Variants in RNF180 observed in about 807,000 individuals in gnomAD.
The protein encoded by RNF180 is E3 ubiquitin-protein ligase RNF180.
Under a neutral mutation model 59.2 loss-of-function variants are expected in RNF180, and 38 were observed. The observed-to-expected ratio is 0.64, with a 90% CI of 0.50 to 0.84. The LOEUF is 0.84. RNF180 is among the 40% of genes least tolerant of loss of function. RNF180 has a pLI of 0.00. For missense variants in RNF180, 705 were observed against 700.9 expected (o/e 1.01, Z -0.07); for synonymous variants, 262 against 240.3 (o/e 1.09, Z -0.84).
chr5:64,349,494 A>G lies in RNF180; in HGVS notation c.1579+19088A>G, dbSNP rs186404453. Among the ~76,000 whole-genome samples the G allele has an allele frequency of 1.1e-3, 172 of 151,106 alleles. 1 individual carries two copies. Among genetic ancestry groups the G allele is most frequent in the Non-Finnish European group, 1.9e-3 (128 of 67,872 alleles). On this transcript the variant is annotated intron_variant, in intron 7 of 7. Transcript: ENST00000389100. ...TGTGCACAACGTGCAGGTTTGTTAC[A>G]TATGTATACATGTGCCATGTTGGTG...
rs1164645325 is a variant in RNF180 at position 64,371,514 on chromosome 5, C to T, written c.*1700C>T. ...AACTAAATAAGTATTATTATAGATA[C>T]AGATCTCTCATAGGAACAAAGTTGA... On this transcript the variant is annotated 3_prime_UTR_variant, in exon 8 of 8. Transcript: ENST00000389100. 1 of 151,448 alleles carries T rather than the reference C, an allele frequency of 6.6e-6. No individual in the cohort carries two copies. Among genetic ancestry groups the T allele is most frequent in the Non-Finnish European group, 1.5e-5 (1 of 67,676 alleles). 9.4% of individuals were successfully genotyped at this position (151,448 alleles called of 1,614,324 possible). A position where few individuals can be genotyped will look rare whatever the true frequency, so the allele number is the denominator to read the frequency against.
intron 6 of RNF180, 62 bp from the exon 7 acceptor site, chr5:64,330,219 C>G: frequency 8.8e-7 from 1 of 1,142,714 alleles, no homozygotes; most frequent in African/African-American, 1.6e-5. Flanking sequence ...ATTCACTTGT[C>G]ATTTTCTTGC....
intron 7 of RNF180, among the ~76,000 whole-genome samples, chr5:64,349,013 TTTTG>T (rs1745672611): frequency 1.3e-5 from 2 of 152,088 alleles, no homozygotes; most frequent in Admixed American, 1.3e-4. Context: ...TAATTCCTTG[TTTTG>T]TTTAAAAAAG....
intron 7 of RNF180, among the ~76,000 whole-genome samples, chr5:64,354,829 A>G (rs1745954304): frequency 6.6e-6 from 1 of 151,882 alleles, no homozygotes; most frequent in Admixed American, 6.6e-5. Context: ...GGGGGAAGGG[A>G]TTGTTTTACT....
At chr5:64,287,407 C>T (rs1247455900) in intron 5 of RNF180, among the ~76,000 whole-genome samples, 1 of 152,110 alleles carries the variant, frequency 6.6e-6, no homozygotes, top group Non-Finnish European at 1.5e-5. Context: ...AGAATGAGTG[C>T]ACATCCAGAA....
At position 64,326,312 on chromosome 5, in the gene RNF180, T is replaced by G. The variant is rs1744641820; in HGVS notation, c.1453+901T>G. Among the ~76,000 whole-genome samples, 4 of 152,258 alleles carry G rather than the reference T, an allele frequency of 2.6e-5. No homozygotes were observed. In the South Asian group the frequency reaches 6.2e-4, roughly 24 times the overall value. On this transcript the variant is annotated intron_variant, in intron 6 of 7. Coordinates refer to ENST00000389100, the MANE Select transcript of RNF180 (RefSeq NM_001113561.2). ...TACCAAATATTGTACTACCAGAAAC[T>G]AAATGGAATTATTAATATGGACAAA... is the stretch of plus-strand genomic sequence containing the variant.
intron 5 of RNF180, among the ~76,000 whole-genome samples, chr5:64,276,894 GATATCC>G (rs1342156632): frequency 6.6e-6 from 1 of 151,986 alleles, no homozygotes; most frequent in African/African-American, 2.4e-5. Context: ...TCAGGCCCTT[GATATCC>G]ATGCCTTAAT....
intron 5 of RNF180, among the ~76,000 whole-genome samples, chr5:64,261,309 T>C (rs183013950): frequency 6.6e-6 from 1 of 152,286 alleles, no homozygotes; most frequent in East Asian, 1.9e-4. Flanking sequence ...TGCAAATTCA[T>C]GTCAACCTAA....
intron 2 of RNF180, among the ~76,000 whole-genome samples, chr5:64,205,055 C>T (rs574202840): frequency 3.9e-5 from 6 of 152,278 alleles, no homozygotes; most frequent in African/African-American, 1.4e-4. Flanking sequence ...GTCTCACATT[C>T]TTTGTCTCAG....
chr5:64,276,321 T>G (rs76500239), intron 5 of RNF180, among the ~76,000 whole-genome samples: 1,224 of 81,454 alleles, frequency 0.015, 17 homozygotes, highest in African/African-American at 0.055. Context: ...AATACATTGG[T>G]GTGTGTGTGT....
At chr5:64,226,671 A>G (rs1741779698) in intron 5 of RNF180, among the ~76,000 whole-genome samples, 2 of 152,326 alleles carry the variant, frequency 1.3e-5, no homozygotes, top group South Asian at 4.1e-4. Context: ...ATACTAAAAA[A>G]AAAAAAAGAA....
chr5:64,189,455 C>T (rs932053209), intron 1 of RNF180, among the ~76,000 whole-genome samples: 8 of 152,060 alleles, frequency 5.3e-5, no homozygotes, highest in African/African-American at 1.9e-4. Flanking sequence ...AGAAGGTAGT[C>T]CTTGTTATAA....
chr5:64,251,802 G>A (rs568941468), intron 5 of RNF180, among the ~76,000 whole-genome samples: 2 of 152,172 alleles, frequency 1.3e-5, no homozygotes, highest in Middle Eastern at 3.4e-3. Flanking sequence ...TCTACACACA[G>A]TGAACTATCT....
At chr5:64,201,930 G>C (rs1751772509) in intron 2 of RNF180, among the ~76,000 whole-genome samples, 1 of 152,082 alleles carries the variant, frequency 6.6e-6, no homozygotes, top group African/African-American at 2.4e-5. Context: ...TAGTAGAGAT[G>C]GGGTTTCACC....
chr5:64,224,481 G>A (rs1044309640), intron 5 of RNF180, among the ~76,000 whole-genome samples: 1 of 152,168 alleles, frequency 6.6e-6, no homozygotes, highest in Non-Finnish European at 1.5e-5. Context: ...TTACGAGCAA[G>A]GGGGAAAGAG....
At chr5:64,284,285 T>C (rs1265362777) in intron 5 of RNF180, among the ~76,000 whole-genome samples, 2 of 152,182 alleles carry the variant, frequency 1.3e-5, no homozygotes, top group Non-Finnish European at 1.5e-5. Context: ...CTGCCTGTAA[T>C]ATTTTTTCTT....
rs186901116 is a variant in RNF180, at chr5:64,188,134, A to G, written c.1-12674A>G. 7.6e-3 allele frequency among the ~76,000 whole-genome samples: 1,160 copies of G among 152,278 alleles called. 7 individuals are homozygous for G. The highest frequency in any genetic ancestry group is 0.012 in the South Asian group (58 of 4,830). ...TCTGTGCAGCTCATCTGACAGAGTT[A>G]TTATGTATGATGTTCTGCTCATGTT... On this transcript the variant is annotated intron_variant, in intron 1 of 7. Coordinates refer to ENST00000389100, the MANE Select transcript of RNF180 (RefSeq NM_001113561.2).
At chr5:64,332,897 T>G (rs554784720) in intron 7 of RNF180, among the ~76,000 whole-genome samples, 1 of 146,624 alleles carries the variant, frequency 6.8e-6, no homozygotes, top group African/African-American at 2.5e-5. Context: ...CAAAAGGAGG[T>G]TGGTCTTCTG....
intron 1 of RNF180, among the ~76,000 whole-genome samples, chr5:64,190,871 T>C: frequency 6.6e-6 from 1 of 152,312 alleles, no homozygotes. Flanking sequence ...TTCAGAGCTG[T>C]GAGAAAATAA....
Sources: allele counts gnomAD v4.1 joint callset (sites outside exome capture counted in the v4.1 genomes callset), GRCh38; gene constraint gnomAD v4.1.1; transcripts MANE v1.5; gene names NCBI Gene and HGNC (gene_info 2026-07-23, HGNC 2026-07-21).